Variants in FMN2 observed in about 807,000 individuals in gnomAD.
The protein encoded by FMN2 is formin-2.
In FMN2, 51 loss-of-function variants were observed where a neutral mutation model predicts 142.3. That is an observed-to-expected ratio of 0.36 (90% confidence interval 0.29 to 0.45). The LOEUF (loss-of-function observed/expected upper bound fraction) is 0.45. Among genes scored for constraint, FMN2 ranks in the 20% least tolerant of loss-of-function variants. FMN2 has a pLI of 1.00. For synonymous variants in FMN2, 882 were observed against 869.8 expected (o/e 1.01, Z -0.25); for missense variants, 1,936 against 2,122.8 (o/e 0.91, Z 1.73).
At chr1:240,105,661 A>G (rs930402958) in intron 1 of FMN2, among the ~76,000 whole-genome samples, 1 of 152,106 alleles carries the variant, frequency 6.6e-6, no homozygotes, top group African/African-American at 2.4e-5. Context: ...CTGATGCTTC[A>G]TATATTTTAT....
intron 6 of FMN2, among the ~76,000 whole-genome samples, chr1:240,231,139 C>T (rs1457565568): frequency 7.6e-6 from 1 of 132,088 alleles, no homozygotes; most frequent in Non-Finnish European, 1.6e-5. Flanking sequence ...TACTGCCACA[C>T]ACGAAGCAGG....
intron 13 of FMN2, among the ~76,000 whole-genome samples, chr1:240,338,854 A>G (rs1046520526): frequency 1.1e-4 from 17 of 152,318 alleles, no homozygotes; most frequent in African/African-American, 4.1e-4. Context: ...ACTCATCATA[A>G]TGAAGAATCA....
At chr1:240,219,650 A>ATTT (rs1558374533) in intron 6 of FMN2, among the ~76,000 whole-genome samples, 2 of 151,980 alleles carry the variant, frequency 1.3e-5, no homozygotes, top group African/African-American at 4.8e-5. Flanking sequence ...AGGTTTTAAA[A>ATTT]TTTTTTGTAT....
At chr1:240,198,652 A>C (rs963292628) in intron 4 of FMN2, among the ~76,000 whole-genome samples, 24 of 152,302 alleles carry the variant, frequency 1.6e-4, no homozygotes, top group African/African-American at 5.8e-4. Context: ...CTTTCTTGAA[A>C]TTTCCCTTTC....
intron 6 of FMN2, among the ~76,000 whole-genome samples, chr1:240,241,787 C>CTAGG (rs1220114642): frequency 1.2e-4 from 17 of 142,596 alleles, no homozygotes; most frequent in African/African-American, 4.5e-4. Flanking sequence ...ATCTTGTAGG[C>CTAGG]TAGGTAGGTA....
At chr1:240,281,213 T>C (rs1669386941) in intron 7 of FMN2, among the ~76,000 whole-genome samples, 1 of 152,142 alleles carries the variant, frequency 6.6e-6, no homozygotes, top group African/African-American at 2.4e-5. Flanking sequence ...AGTTTTTTCT[T>C]GCAGGAAAGC....
intron 1 of FMN2, among the ~76,000 whole-genome samples, chr1:240,113,502 G>A (rs748106004): frequency 4.3e-5 from 6 of 139,518 alleles, no homozygotes; most frequent in Non-Finnish European, 7.5e-5. Flanking sequence ...AGGTCGCAGT[G>A]AGCCGAGATC....
At chr1:240,401,888 A>G (rs1247529799) in intron 15 of FMN2, among the ~76,000 whole-genome samples, 1 of 152,202 alleles carries the variant, frequency 6.6e-6, no homozygotes, top group African/African-American at 2.4e-5. Context: ...AACCACAGAA[A>G]GTTCCCCAAG....
intron 6 of FMN2, among the ~76,000 whole-genome samples, chr1:240,222,825 T>C (rs1465283567): frequency 6.6e-6 from 1 of 152,226 alleles, no homozygotes; most frequent in Non-Finnish European, 1.5e-5. Context: ...ATGTTTGTGA[T>C]TTTTGCACAT....
chr1:240,362,958 G>A (rs554932921), intron 14 of FMN2, among the ~76,000 whole-genome samples: 1 of 152,138 alleles, frequency 6.6e-6, no homozygotes, highest in South Asian at 2.1e-4. Flanking sequence ...GGCTGAACTA[G>A]GGGAATAGAA....
chr1:240,305,020 A>G lies in FMN2; in HGVS notation c.4215+10137A>G, dbSNP rs1036276852. On this transcript the variant is annotated intron_variant, in intron 8 of 17. Transcript: ENST00000319653. ...GATCCCTGGCACTTTCTACTCTGCT[A>G]TCTTCCCAGAATCCTTTCTGGGGTT... 3.3e-5 allele frequency among the ~76,000 whole-genome samples: 5 copies of G among 152,340 alleles called. No homozygotes were observed. In the South Asian group the frequency reaches 1.0e-3, roughly 32 times the overall value.
chr1:240,308,494 C>A (rs932438465), intron 8 of FMN2, among the ~76,000 whole-genome samples: 1 of 152,066 alleles, frequency 6.6e-6, no homozygotes, highest in Non-Finnish European at 1.5e-5. Flanking sequence ...TGTTTAGTTT[C>A]GTGTCTAGTG....
At chr1:240,399,689 C>T (rs1026878441) in intron 15 of FMN2, among the ~76,000 whole-genome samples, 1 of 152,170 alleles carries the variant, frequency 6.6e-6, no homozygotes, top group African/African-American at 2.4e-5. Context: ...AGAGGGGGCT[C>T]CCTTTCTCAA....
chr1:240,150,304 A>G (rs565622277), intron 2 of FMN2, among the ~76,000 whole-genome samples: 1 of 152,384 alleles, frequency 6.6e-6, no homozygotes, highest in South Asian at 2.1e-4. Context: ...GACATAGTCA[A>G]CAAATCACGC....
At chr1:240,463,476 G>C (rs1676513709) in intron 16 of FMN2, among the ~76,000 whole-genome samples, 2 of 152,162 alleles carry the variant, frequency 1.3e-5, no homozygotes, top group African/African-American at 4.8e-5. Flanking sequence ...AAAGGTCAAG[G>C]CTAGAGGATT....
intron 2 of FMN2, among the ~76,000 whole-genome samples, chr1:240,172,286 T>C (rs184973154): frequency 1.3e-5 from 2 of 152,248 alleles, no homozygotes; most frequent in East Asian, 3.9e-4. Flanking sequence ...CAAAACTGGT[T>C]GACAAACAGC....
intron 1 of FMN2, among the ~76,000 whole-genome samples, chr1:240,112,571 G>A (rs897249816): frequency 2.0e-5 from 3 of 152,154 alleles, no homozygotes; most frequent in Non-Finnish European, 4.4e-5. Flanking sequence ...CCCGTCTCCT[G>A]CCCTTATCTT....
chr1:240,184,757 A>C (rs1665327171), intron 3 of FMN2, among the ~76,000 whole-genome samples: 1 of 151,730 alleles, frequency 6.6e-6, no homozygotes, highest in Non-Finnish European at 1.5e-5. Flanking sequence ...GGAACGTGGG[A>C]GTCGGGAGTT....
intron 7 of FMN2, among the ~76,000 whole-genome samples, chr1:240,289,343 G>T (rs1217392150): frequency 2.0e-5 from 3 of 151,956 alleles, no homozygotes; most frequent in Non-Finnish European, 4.4e-5. Flanking sequence ...TTAAAATGTT[G>T]CATTCAACAA....
Sources: gnomAD v4.1 joint callset for allele counts (sites outside exome capture counted in the v4.1 genomes callset) on GRCh38, gnomAD v4.1.1 for gene constraint, MANE v1.5 for transcripts, NCBI Gene and HGNC (gene_info 2026-07-23, HGNC 2026-07-21) for gene names.